The following FBXL20 variants were observed in gnomAD, a reference collection of about 807,000 sequenced individuals.
The protein encoded by FBXL20 is F-box and leucine rich repeat protein 20, also known as F-box/LRR-repeat protein 20.
In FBXL20, 11 loss-of-function variants were observed where a neutral mutation model predicts 64.0. The ratio of observed to expected loss-of-function variants is 0.17; its 90% confidence interval spans 0.11 to 0.28. The LOEUF is 0.28. FBXL20 is among the 10% of genes least tolerant of loss of function. FBXL20 has a pLI of 1.00. For missense variants in FBXL20, 303 were observed against 526.2 expected (o/e 0.58, Z 4.15); for synonymous variants, 184 against 189.0 (o/e 0.97, Z 0.22).
At chr17:39,268,027 C>T (rs915363769) in intron 12 of FBXL20, among the ~76,000 whole-genome samples, 2 of 152,064 alleles carry the variant, frequency 1.3e-5, no homozygotes, top group African/African-American at 2.4e-5. Context: ...GTCCCATGTT[C>T]GAAGTTTTTC....
chr17:39,282,601 T>C (rs2046957729), intron 8 of FBXL20, 128 bp downstream of exon 8: 1 of 1,254,544 alleles, frequency 8.0e-7, no homozygotes, highest in Non-Finnish European at 1.1e-6. Context: ...TTGGTAAGCA[T>C]TTGTCTTTTG....
chr17:39,307,497 A>T (rs777338692), intron 2 of FBXL20, among the ~76,000 whole-genome samples: 30 of 152,322 alleles, frequency 2.0e-4, no homozygotes, highest in Non-Finnish European at 4.0e-4. Flanking sequence ...GCTGGACTGC[A>T]GCAGCAGCAC....
intron 1 of FBXL20, among the ~76,000 whole-genome samples, chr17:39,370,794 C>CAA (rs34338616): frequency 7.9e-5 from 6 of 75,646 alleles, no homozygotes; most frequent in East Asian, 4.1e-4. Flanking sequence ...GACTCCGTCT[C>CAA]AAAAAAAAAA....
intron 1 of FBXL20, among the ~76,000 whole-genome samples, chr17:39,370,871 A>C (rs2047911872): frequency 6.6e-6 from 1 of 152,086 alleles, no homozygotes. Context: ...CCATTTCACT[A>C]ATCTCAGGCT....
At chr17:39,293,529 TTAAAA>T (rs1276431295) in intron 6 of FBXL20, among the ~76,000 whole-genome samples, 1 of 152,082 alleles carries the variant, frequency 6.6e-6, no homozygotes, top group Non-Finnish European at 1.5e-5. Flanking sequence ...GGCCTGATTC[TTAAAA>T]TAAAATAAAT....
intron 1 of FBXL20, among the ~76,000 whole-genome samples, chr17:39,375,083 C>A (rs2047954404): frequency 6.6e-6 from 1 of 152,142 alleles, no homozygotes; most frequent in African/African-American, 2.4e-5. Context: ...CCGCACCCAG[C>A]TGCTACTTTT....
rs2046743791 is a variant in FBXL20, at chr17:39,261,377, G to C, written c.*83C>G. On this transcript the variant is annotated 3_prime_UTR_variant, in exon 15 of 15. Transcript: ENST00000264658. Reference sequence around the variant, plus strand: ...TTGTAACCCTTGCTCAGAACACTGGGGTTGCTTCCACTGGAGAGACTCCAC... The same window carrying C: ...TTGTAACCCTTGCTCAGAACACTGGCGTTGCTTCCACTGGAGAGACTCCAC... 1 of 1,103,214 alleles carries C rather than the reference G, an allele frequency of 9.1e-7. No homozygotes were observed. The highest frequency in any genetic ancestry group is 1.7e-5 in the Admixed American group (1 of 58,902). The allele number at this position is 1,103,214 out of a possible 1,614,324, so 68.3% of individuals were successfully genotyped here.
chr17:39,279,358 G>A (rs754489470), intron 9 of FBXL20, among the ~76,000 whole-genome samples: 5 of 151,812 alleles, frequency 3.3e-5, no homozygotes, highest in Non-Finnish European at 5.9e-5. Context: ...AATTAGCCAG[G>A]TGTGGTGGCA....
At chr17:39,270,111 A>T (rs2046830364) in intron 11 of FBXL20, among the ~76,000 whole-genome samples, 1 of 152,168 alleles carries the variant, frequency 6.6e-6, no homozygotes, top group Non-Finnish European at 1.5e-5. Flanking sequence ...ATCTCCTAAA[A>T]CCTTTCCATT....
chr17:39,377,958 A>G (rs1361734123), intron 1 of FBXL20, among the ~76,000 whole-genome samples: 2 of 152,032 alleles, frequency 1.3e-5, no homozygotes, highest in African/African-American at 2.4e-5. Flanking sequence ...CGCTTCAGTG[A>G]ACTGTGATTC....
At chr17:39,335,582 C>CAAA (rs36023380) in intron 2 of FBXL20, among the ~76,000 whole-genome samples, 222 of 76,622 alleles carry the variant, frequency 2.9e-3, no homozygotes, top group Non-Finnish European at 3.1e-3. Flanking sequence ...GACTCCGTCT[C>CAAA]AAAAAAAAAA....
chr17:39,348,530 A>C (rs1443202205), intron 1 of FBXL20, among the ~76,000 whole-genome samples: 1 of 152,132 alleles, frequency 6.6e-6, no homozygotes, highest in East Asian at 1.9e-4. Flanking sequence ...GGCCTCAAGC[A>C]ATCTTCCTGC....
chr17:39,295,352 C>T (rs1211637464), intron 6 of FBXL20, among the ~76,000 whole-genome samples: 1 of 152,084 alleles, frequency 6.6e-6, no homozygotes. Context: ...CTGCAACCTC[C>T]ACCTCCTGGG....
At chr17:39,323,460 AC>A (rs2047377285) in intron 2 of FBXL20, among the ~76,000 whole-genome samples, 1 of 152,220 alleles carries the variant, frequency 6.6e-6, no homozygotes, top group South Asian at 2.1e-4. Flanking sequence ...ATAATGTGTG[AC>A]CTGAAAATAT....
At chr17:39,370,984 T>C (rs2047912983) in intron 1 of FBXL20, among the ~76,000 whole-genome samples, 1 of 152,030 alleles carries the variant, frequency 6.6e-6, no homozygotes, top group Non-Finnish European at 1.5e-5. Flanking sequence ...TTTTGGAGGC[T>C]GAGGCGGGTG....
chr17:39,401,994 G>T (rs1027912316), upstream of FBXL20: 15 of 518,374 alleles, frequency 2.9e-5, no homozygotes, highest in Admixed American at 4.4e-5. Flanking sequence ...CTCTGCGCGG[G>T]GGCCCCTCTT....
chr17:39,398,836 G>T lies in FBXL20; in HGVS notation c.42+2525C>A, dbSNP rs559616503. ...ATTACAGGTGCCCACTACCACGCCC[G>T]GCTAATTTTTGTATTTTTAGTAGAG... On this transcript the variant is annotated intron_variant, in intron 1 of 14. Coordinates refer to ENST00000264658, the MANE Select transcript of FBXL20 (RefSeq NM_032875.3). Among the ~76,000 whole-genome samples the T allele has an allele frequency of 6.6e-5, 10 of 151,944 alleles. No homozygotes were observed. The East Asian group carries it at 1.9e-3, about 29-fold the overall frequency.
At chr17:39,359,434 C>G (rs8072181) in intron 1 of FBXL20, among the ~76,000 whole-genome samples, 4,909 of 152,216 alleles carry the variant, frequency 0.032, 276 homozygotes, top group African/African-American at 0.11. Context: ...ACCAGCCTGG[C>G]CAACATGGTG....
chr17:39,263,007 A>G (rs2046761151), intron 14 of FBXL20, among the ~76,000 whole-genome samples: 1 of 151,448 alleles, frequency 6.6e-6, no homozygotes, highest in African/African-American at 2.4e-5. Flanking sequence ...GTCTCAAAAA[A>G]AAAGAACAAA....
Sources: allele counts gnomAD v4.1 joint callset (sites outside exome capture counted in the v4.1 genomes callset), GRCh38; gene constraint gnomAD v4.1.1; transcripts MANE v1.5; gene names NCBI Gene and HGNC (gene_info 2026-07-23, HGNC 2026-07-21).